The following STRN variants were observed in gnomAD, a reference collection of about 807,000 sequenced individuals.
STRN encodes protein phosphatase 2 regulatory subunit B'''alpha.
A neutral mutation model predicts 96.3 loss-of-function variants in STRN; 53 were observed. That is an observed-to-expected ratio of 0.55 (90% CI 0.44 to 0.69). The LOEUF is 0.69. Ranked by LOEUF, STRN falls within the 30% of genes least tolerant of loss-of-function variation. The pLI is 0.00. For missense variants in STRN, 987 were observed against 963.9 expected, an observed-to-expected ratio of 1.02 and a Z score of -0.32; for synonymous variants, 428 against 355.9, an observed-to-expected ratio of 1.20 and a Z score of -2.28.
chr2:36,924,256 TGA>T (rs974894101), intron 2 of STRN, among the ~76,000 whole-genome samples: 2 of 149,250 alleles, frequency 1.3e-5, no homozygotes, highest in African/African-American at 5.0e-5. Flanking sequence ...CTTGGGAGGC[TGA>T]GGCAGGAGAA....
chr2:36,915,427 C>T (rs1670072309), intron 3 of STRN, among the ~76,000 whole-genome samples: 1 of 151,064 alleles, frequency 6.6e-6, no homozygotes, highest in African/African-American at 2.4e-5. Flanking sequence ...TGTCATTCTT[C>T]CCTAATACCT....
intron 15 of STRN, among the ~76,000 whole-genome samples, chr2:36,853,333 A>T (rs1240990858): frequency 6.6e-6 from 1 of 152,212 alleles, no homozygotes; most frequent in African/African-American, 2.4e-5. Context: ...GTCCAGCAAG[A>T]GAATAACAGT....
chr2:36,871,622 A>G (rs141383664), intron 10 of STRN, among the ~76,000 whole-genome samples: 12 of 152,334 alleles, frequency 7.9e-5, no homozygotes, highest in Admixed American at 2.0e-4. Flanking sequence ...AAAATACACC[A>G]ATTCTAACAA....
chr2:36,923,766 G>A (rs1369116528), intron 2 of STRN, among the ~76,000 whole-genome samples: 1 of 151,406 alleles, frequency 6.6e-6, no homozygotes, highest in Non-Finnish European at 1.5e-5. Flanking sequence ...AACAAAACAA[G>A]CATCATTAAA....
intron 1 of STRN, among the ~76,000 whole-genome samples, chr2:36,965,787 T>C (rs572957666): frequency 6.6e-6 from 1 of 152,320 alleles, no homozygotes; most frequent in African/African-American, 2.4e-5. Context: ...CTTGATCACC[T>C]TCCTTGAAGA....
chr2:36,893,792 A>G, intron 7 of STRN, 106 bp downstream of exon 7: 1 of 1,375,750 alleles, frequency 7.3e-7, no homozygotes. Context: ...AAGTTCACAG[A>G]ATGCTCAATA....
intron 1 of STRN, 62 bp downstream of exon 1, chr2:36,966,168 G>A: frequency 7.1e-7 from 1 of 1,412,092 alleles, no homozygotes; most frequent in Non-Finnish European, 9.3e-7. Context: ...AGAAGGGTCC[G>A]GGGCGGGGCG....
chr2:36,947,025 A>G (rs377240304), intron 1 of STRN, among the ~76,000 whole-genome samples: 77 of 151,972 alleles, frequency 5.1e-4, no homozygotes, highest in African/African-American at 1.7e-3. Context: ...CCTCCTGAGT[A>G]GCAGGGACTA....
At chr2:36,916,033 A>G (rs765096572) in intron 3 of STRN, 45 bp downstream of exon 3, 1 of 1,519,822 alleles carries the variant, frequency 6.6e-7, no homozygotes, top group Admixed American at 1.7e-5. Context: ...AATACTAGAC[A>G]TTAACTTCTT....
chr2:36,922,518 CAAAAAAAA>C (rs749446955), intron 2 of STRN, among the ~76,000 whole-genome samples: 1 of 91,162 alleles, frequency 1.1e-5, no homozygotes, highest in African/African-American at 4.2e-5. Flanking sequence ...GACCCTGTCT[CAAAAAAAA>C]AAAAAAAAAA....
At position 36,956,831 on chromosome 2, in the gene STRN, G is replaced by C. The variant is rs76865829; in HGVS notation, c.234+9399C>G. On this transcript the variant is annotated intron_variant, in intron 1 of 17. Transcript: ENST00000263918. Reference sequence around the variant, plus strand: ...ATTATTTCTCCCCCAAAAATTAGTAGGGCCATTCTTATTTGTCAGATTTTG... The same window carrying C: ...ATTATTTCTCCCCCAAAAATTAGTACGGCCATTCTTATTTGTCAGATTTTG... 4.6e-3 allele frequency among the ~76,000 whole-genome samples: 696 copies of C among 152,244 alleles called. 9 individuals carry two copies. Among genetic ancestry groups the C allele is most frequent in the African/African-American group, 0.016 (670 of 41,544 alleles).
intron 1 of STRN, among the ~76,000 whole-genome samples, 156 bp downstream of exon 1, chr2:36,966,074 G>A (rs905526446): frequency 2.6e-5 from 4 of 151,268 alleles, no homozygotes; most frequent in African/African-American, 4.9e-5. Flanking sequence ...AAAGGCAAAA[G>A]GCGAAGAGAA....
chr2:36,890,895 T>C (rs1669378836), intron 7 of STRN, among the ~76,000 whole-genome samples: 1 of 152,198 alleles, frequency 6.6e-6, no homozygotes. Flanking sequence ...CTTAGAAGTA[T>C]AATCAGTTTC....
chr2:36,955,358 T>G (rs958091812), intron 1 of STRN, among the ~76,000 whole-genome samples: 2 of 152,314 alleles, frequency 1.3e-5, no homozygotes, highest in African/African-American at 4.8e-5. Context: ...ATTCTTAGTC[T>G]AATGAAGAAA....
intron 1 of STRN, among the ~76,000 whole-genome samples, chr2:36,932,688 G>T (rs568865904): frequency 1.3e-5 from 2 of 151,998 alleles, no homozygotes; most frequent in Non-Finnish European, 2.9e-5. Context: ...CTACAGCCTT[G>T]AACTCCCGGG....
Position 36,839,354 on chromosome 2 carries a change from A to C in STRN, c.*10102T>G, listed in dbSNP as rs538863739. On this transcript the variant is annotated 3_prime_UTR_variant, in exon 18 of 18. Coordinates refer to ENST00000263918, the MANE Select transcript of STRN (RefSeq NM_003162.4). Reference sequence around the variant, plus strand: ...TTACTGCTGACTGCCAGCAACTAGAACTGTGTGGCATATAGCTGGCACTCA... The same window carrying C: ...TTACTGCTGACTGCCAGCAACTAGACCTGTGTGGCATATAGCTGGCACTCA... Among the ~76,000 whole-genome samples, 1 of 152,240 alleles carries C rather than the reference A, an allele frequency of 6.6e-6. No homozygotes were observed. The highest frequency in any genetic ancestry group is 2.1e-4 in the South Asian group (1 of 4,826).
At chr2:36,875,573 C>T (rs200996951) in intron 10 of STRN, among the ~76,000 whole-genome samples, 1 of 144,168 alleles carries the variant, frequency 6.9e-6, no homozygotes, top group Non-Finnish European at 1.5e-5. Context: ...CAAAAATTAC[C>T]AAAAAAAAAG....
chr2:36,883,360 G>A (rs1191586689), intron 9 of STRN, among the ~76,000 whole-genome samples: 1 of 152,162 alleles, frequency 6.6e-6, no homozygotes, highest in Non-Finnish European at 1.5e-5. Flanking sequence ...AGGAGGCTAA[G>A]GCAAGAGAAT....
chr2:36,875,573 CAA>C (rs60429541), intron 10 of STRN, among the ~76,000 whole-genome samples: 3 of 144,128 alleles, frequency 2.1e-5, no homozygotes, highest in East Asian at 4.0e-4. Context: ...CAAAAATTAC[CAA>C]AAAAAAAGCA....
Sources: gnomAD v4.1 joint callset for allele counts (sites outside exome capture counted in the v4.1 genomes callset) on GRCh38, gnomAD v4.1.1 for gene constraint, MANE v1.5 for transcripts, NCBI Gene and HGNC (gene_info 2026-07-23, HGNC 2026-07-21) for gene names.